RPL39L: variants seen among roughly 807,000 people sequenced by gnomAD.
The protein encoded by RPL39L is ribosomal protein eL39-like 2.
For missense variants in RPL39L, 48 were observed against 58.9 expected, an observed-to-expected ratio of 0.81 and a Z score of 0.61; for synonymous variants, 16 against 20.1, an observed-to-expected ratio of 0.80 and a Z score of 0.55.
chr3:187,133,597 C>T (rs981589159), intron 1 of RPL39L, among the ~76,000 whole-genome samples: 1 of 152,018 alleles, frequency 6.6e-6, no homozygotes, highest in Non-Finnish European at 1.5e-5. Flanking sequence ...TTTCCTTACC[C>T]AAGACTGAGG....
chr3:187,132,077 C>T (rs1720492749), intron 1 of RPL39L, among the ~76,000 whole-genome samples: 1 of 152,172 alleles, frequency 6.6e-6, no homozygotes, highest in African/African-American at 2.4e-5. Context: ...CTGCCTACCA[C>T]ATAACCATTA....
chr3:187,138,904 C>G (rs1454790194), intron 1 of RPL39L, among the ~76,000 whole-genome samples: 1 of 152,102 alleles, frequency 6.6e-6, no homozygotes, highest in Non-Finnish European at 1.5e-5. Context: ...ACTAAAAATA[C>G]AAAAATTAGC....
intron 1 of RPL39L, among the ~76,000 whole-genome samples, chr3:187,129,028 G>A (rs1021589607): frequency 1.3e-5 from 2 of 152,178 alleles, no homozygotes; most frequent in Non-Finnish European, 2.9e-5. Context: ...ATGACCATAT[G>A]TTATGATGCC....
In RPL39L at chr3:187,121,016, A is replaced by C; in HGVS notation, c.*129T>G. On this transcript the variant is annotated 3_prime_UTR_variant, in exon 3 of 3. Coordinates refer to ENST00000296277, the MANE Select transcript of RPL39L (RefSeq NM_052969.3). ...CTACTAGCACAGAGCATACAGAAAA[A>C]CAGAAAAAAATATTCCCAGTAAAAC... 1.9e-6 allele frequency: 2 copies of C among 1,061,314 alleles called. No individual in the cohort carries two copies. Among genetic ancestry groups the C allele is most frequent in the East Asian group, 4.7e-5 (2 of 42,216 alleles). The allele number at this position is 1,061,314 out of a possible 1,614,324, so 65.7% of individuals were successfully genotyped here. A position where few individuals can be genotyped will look rare whatever the true frequency, so the allele number is the denominator to read the frequency against.
chr3:187,133,489 T>C (rs181404263), intron 1 of RPL39L, among the ~76,000 whole-genome samples: 60 of 152,250 alleles, frequency 3.9e-4, no homozygotes, highest in Non-Finnish European at 7.4e-4. Context: ...AATTTATACA[T>C]TACCCAGTCT....
chr3:187,128,210 AAG>A (rs1169840547), intron 1 of RPL39L, 148 bp from the exon 2 acceptor site: 1 of 152,210 alleles, frequency 6.6e-6, no homozygotes, highest in African/African-American at 2.4e-5. Flanking sequence ...TTTTTGCAGA[AAG>A]AGAGGCAATG....
At chr3:187,130,761 A>G (rs1720472511) in intron 1 of RPL39L, among the ~76,000 whole-genome samples, 1 of 152,212 alleles carries the variant, frequency 6.6e-6, no homozygotes, top group Non-Finnish European at 1.5e-5. Flanking sequence ...TTTTCATCCT[A>G]AATATCTTCT....
At chr3:187,132,719 A>G (rs1720506820) in intron 1 of RPL39L, among the ~76,000 whole-genome samples, 2 of 152,178 alleles carry the variant, frequency 1.3e-5, no homozygotes, top group Admixed American at 1.3e-4. Context: ...CATCGCTCCT[A>G]TGCCAACAAC....
Position 187,139,425 on chromosome 3 carries a change from A to C in RPL39L, c.-305T>G, listed in dbSNP as rs1215962476. 1.3e-5 allele frequency: 2 copies of C among 151,956 alleles called. No homozygotes were observed. Among genetic ancestry groups the C allele is most frequent in the Non-Finnish European group, 2.9e-5 (2 of 68,010 alleles). 9.4% of individuals were successfully genotyped at this position (151,956 alleles called of 1,614,324 possible). A position where few individuals can be genotyped will look rare whatever the true frequency, so the allele number is the denominator to read the frequency against. ...TGAGACTCCGAGACGCCTCGCCCCCACCTGGCGTTCGGAGGCGGTTGCCTC... is the reference window on the plus strand; with the variant it reads ...TGAGACTCCGAGACGCCTCGCCCCCCCCTGGCGTTCGGAGGCGGTTGCCTC... On this transcript the variant is annotated 5_prime_UTR_variant, in exon 1 of 3. Transcript: ENST00000296277.
At position 187,121,324 on chromosome 3, in the gene RPL39L, C is replaced by A. The variant is rs1045194887; in HGVS notation, c.-24G>T. ...ATGGCGAGAAACAGAGTCAACCACA[C>A]ACCACTATGGCGGAGAAAGGGAGAG... is the stretch of plus-strand genomic sequence containing the variant. On this transcript the variant is annotated 5_prime_UTR_variant, in exon 3 of 3. Coordinates refer to ENST00000296277, the MANE Select transcript of RPL39L (RefSeq NM_052969.3). 6.2e-7 allele frequency: 1 copy of A among 1,613,328 alleles called. No homozygotes were observed. Among genetic ancestry groups the A allele is most frequent in the East Asian group, 2.2e-5 (1 of 44,876 alleles).
At chr3:187,139,158 C>A (rs1720641226) in intron 1 of RPL39L, 55 bp downstream of exon 1, 1 of 152,712 alleles carries the variant, frequency 6.5e-6, no homozygotes, top group Non-Finnish European at 1.5e-5. Flanking sequence ...TCACGCCGCC[C>A]TGCTCGTTGG....
intron 1 of RPL39L, among the ~76,000 whole-genome samples, 197 bp downstream of exon 1, chr3:187,139,016 C>T (rs544649505): frequency 6.6e-6 from 1 of 152,306 alleles, no homozygotes; most frequent in South Asian, 2.1e-4. Flanking sequence ...CGAGATCACA[C>T]CACTGCACTC....
chr3:187,130,564 C>T (rs1284337597), intron 1 of RPL39L, among the ~76,000 whole-genome samples: 2 of 152,132 alleles, frequency 1.3e-5, no homozygotes, highest in Admixed American at 6.5e-5. Context: ...CCCACTTCAC[C>T]TTCTGCCATG....
At chr3:187,136,089 C>A (rs544039718) in intron 1 of RPL39L, among the ~76,000 whole-genome samples, 1 of 152,364 alleles carries the variant, frequency 6.6e-6, no homozygotes, top group South Asian at 2.1e-4. Context: ...ATTCAAAACA[C>A]TAAAGATCGA....
intron 1 of RPL39L, among the ~76,000 whole-genome samples, chr3:187,135,374 T>C (rs112215759): frequency 0.012 from 1,787 of 152,302 alleles, 38 homozygotes; most frequent in African/African-American, 0.041. Flanking sequence ...GATTGAATCA[T>C]GAGGGCGGGT....
At chr3:187,130,857 C>G (rs1720473766) in intron 1 of RPL39L, among the ~76,000 whole-genome samples, 1 of 152,128 alleles carries the variant, frequency 6.6e-6, no homozygotes, top group South Asian at 2.1e-4. Flanking sequence ...GCTGTTCTTA[C>G]AAGTTTTTTT....
intron 1 of RPL39L, among the ~76,000 whole-genome samples, chr3:187,137,980 T>C (rs957158699): frequency 6.6e-6 from 1 of 152,214 alleles, no homozygotes; most frequent in African/African-American, 2.4e-5. Flanking sequence ...TCTCAGGTTC[T>C]TTCTCTAAGC....
In RPL39L at chr3:187,121,325, A is replaced by C. The variant is rs1346125506; in HGVS notation, c.-25T>G. The C allele has an allele frequency of 6.2e-7, 1 of 1,613,188 alleles. No homozygotes were observed. The highest frequency in any genetic ancestry group is 1.7e-4 in the Middle Eastern group (1 of 6,046). ...TGGCGAGAAACAGAGTCAACCACAC[A>C]CCACTATGGCGGAGAAAGGGAGAGA... On this transcript the variant is annotated 5_prime_UTR_variant, in exon 3 of 3. Coordinates refer to ENST00000296277, the MANE Select transcript of RPL39L (RefSeq NM_052969.3).
chr3:187,127,558 A>ATTTAGTGTAGTTTAGTGCCTAT (rs1254649544), intron 2 of RPL39L, among the ~76,000 whole-genome samples: 8 of 152,200 alleles, frequency 5.3e-5, no homozygotes, highest in African/African-American at 1.9e-4. Context: ...TAAACTACAC[A>ATTTAGTGTAGTTTAGTGCCTAT]TTTACACTTT....
Sources: allele counts gnomAD v4.1 joint callset (sites outside exome capture counted in the v4.1 genomes callset), GRCh38; gene constraint gnomAD v4.1.1; transcripts MANE v1.5; gene names NCBI Gene and HGNC (gene_info 2026-07-23, HGNC 2026-07-21).